The following EXOSC10 variants were observed in gnomAD, a reference collection of about 807,000 sequenced individuals.
EXOSC10 encodes exosome component 10, also known as exosome complex component 10.
EXOSC10 carries 94 observed loss-of-function variants against 126.6 expected under a neutral mutation model. That is an observed-to-expected ratio of 0.74 (90% CI 0.63 to 0.88). The LOEUF (loss-of-function observed/expected upper bound fraction) is 0.88, where lower values mean the gene tolerates loss of function less well. Ranked by LOEUF, EXOSC10 falls within the 40% of genes least tolerant of loss-of-function variation. The pLI is 0.00. For missense variants in EXOSC10, 1,041 were observed against 1,100.5 expected (o/e 0.95, Z 0.77); for synonymous variants, 395 against 400.8 (o/e 0.99, Z 0.17).
intron 1 of EXOSC10, among the ~76,000 whole-genome samples, chr1:11,099,387 C>A (rs538697430): frequency 1.3e-5 from 2 of 152,156 alleles, no homozygotes; most frequent in Non-Finnish European, 2.9e-5. Context: ...CGAGCCCCTG[C>A]GGAGAGCTGG....
In EXOSC10 at chr1:11,081,219, G is replaced by C; in HGVS notation, c.1300C>G (p.Leu434Val). The stretch of plus-strand genomic sequence containing the variant: ...TGGGTGTCATCCCGGGCGTAGCTGA[G>C]CATCTCCTCGGGCAGAGGGCTGGAA... ...WRIRPLPEEM[L>V]SYARDDTHYL... The change falls in exon 11 of 25, where the codon CTC becomes GTC. Residue 434 changes from leucine (L) to valine (V), a missense_variant. Physicochemically the swap from Leu to Val is conservative, Grantham distance 32. Coordinates refer to ENST00000376936, the MANE Select transcript of EXOSC10 (RefSeq NM_001001998.3). 1 of 1,614,194 alleles carries C rather than the reference G, an allele frequency of 6.2e-7. No homozygotes were observed. Among genetic ancestry groups the C allele is most frequent in the Non-Finnish European group, 8.5e-7 (1 of 1,180,032 alleles).
At chr1:11,090,391 TTG>T (rs1488930209) in intron 6 of EXOSC10, among the ~76,000 whole-genome samples, 161 bp downstream of exon 6, 2 of 152,230 alleles carry the variant, frequency 1.3e-5, no homozygotes, top group African/African-American at 4.8e-5. Context: ...TGTAGGCCCT[TTG>T]TGAACACAAA....
chr1:11,075,833 GAC>G (rs1228750056), intron 17 of EXOSC10, among the ~76,000 whole-genome samples: 1 of 100,856 alleles, frequency 9.9e-6, no homozygotes, highest in Non-Finnish European at 1.8e-5. Flanking sequence ...CCACCTGGGT[GAC>G]AGGATGAGAT....
At chr1:11,097,899 A>AT in intron 2 of EXOSC10, 121 bp downstream of exon 2, 1 of 1,012,534 alleles carries the variant, frequency 9.9e-7, no homozygotes, top group Non-Finnish European at 1.3e-6. Flanking sequence ...CAATTTTCAC[A>AT]TTTTATAGCT....
At chr1:11,097,594 C>T (rs543219524) in intron 2 of EXOSC10, among the ~76,000 whole-genome samples, 5 of 146,436 alleles carry the variant, frequency 3.4e-5, no homozygotes, top group South Asian at 2.2e-4. Context: ...GGCGTGTTGA[C>T]GGGCACCTGT....
chr1:11,080,551 T>C lies in EXOSC10; in HGVS notation c.1587-2A>G, dbSNP rs775596393. 2.9e-5 allele frequency: 45 copies of C among 1,577,554 alleles called. No individual in the cohort carries two copies. The highest frequency in any genetic ancestry group is 3.8e-5 in the Non-Finnish European group (44 of 1,167,950). ...ATCATGTGGTTTGGCAGTACATATC[T>C]GGAAAAAAAAAAACACACACACACA... On this transcript the variant is annotated splice_acceptor_variant, in intron 12 of 24. Coordinates refer to ENST00000376936, the MANE Select transcript of EXOSC10 (RefSeq NM_001001998.3). LOFTEE classifies it high-confidence loss of function.
chr1:11,090,678 C>T lies in EXOSC10; in HGVS notation c.644-10G>A. ...CTTTCCTTAGAGAGAGCTGGGGATC[C>T]CAGCAGTGACAAAAACATCATTAGC... On this transcript the variant is annotated splice_polypyrimidine_tract_variant and intron_variant, in intron 5 of 24. Coordinates refer to ENST00000376936, the MANE Select transcript of EXOSC10 (RefSeq NM_001001998.3). 6.4e-7 allele frequency: 1 copy of T among 1,574,800 alleles called. No individual in the cohort carries two copies. Among genetic ancestry groups the T allele is most frequent in the Non-Finnish European group, 8.7e-7 (1 of 1,154,168 alleles).
At chr1:11,092,103 T>C (rs1343541208) in intron 3 of EXOSC10, among the ~76,000 whole-genome samples, 2 of 152,230 alleles carry the variant, frequency 1.3e-5, no homozygotes, top group African/African-American at 2.4e-5. Flanking sequence ...ATGTAATAAA[T>C]ATATAGATGG....
chr1:11,068,191 G>C, intron 23 of EXOSC10, 107 bp from the exon 24 acceptor site: 1 of 832,740 alleles, frequency 1.2e-6, no homozygotes, highest in Non-Finnish European at 2.0e-6. Flanking sequence ...GCACAGGAGT[G>C]ACTTTAGATC....
chr1:11,091,495 T>TA lies in EXOSC10; in HGVS notation c.474dup (p.Lys159Ter). 4.3e-6 allele frequency: 7 copies of TA among 1,613,756 alleles called. No individual in the cohort carries two copies. Among genetic ancestry groups the TA allele is most frequent in the Non-Finnish European group, 4.2e-6 (5 of 1,179,756 alleles). On this transcript the variant is annotated frameshift_variant, in exon 4 of 25. Coordinates refer to ENST00000376936, the MANE Select transcript of EXOSC10 (RefSeq NM_001001998.3). LOFTEE classifies it high-confidence loss of function. ...TAGTTAATCTGAAAAGCCCTCACCT[T>TA]ACGGTTCCAGCTGGACACTACCGTT...
intron 2 of EXOSC10, 106 bp from the exon 3 acceptor site, chr1:11,095,987 T>C (rs1014860559): frequency 1.9e-6 from 2 of 1,072,032 alleles, no homozygotes; most frequent in Non-Finnish European, 2.6e-6. Flanking sequence ...TCCCAACACA[T>C]CTTTTTTTTT....
chr1:11,099,861 G>T lies in EXOSC10; in HGVS notation c.-30C>A, dbSNP rs1183091290. On this transcript the variant is annotated 5_prime_UTR_variant, in exon 1 of 25. Transcript: ENST00000376936. ...TCAGCCTGCACGGCTCGTCTCGCGA[G>T]AGCTTGTCGGCCGAGGAGACGGGAC... 1 of 1,575,434 alleles carries T rather than the reference G, an allele frequency of 6.3e-7. No homozygotes were observed. Among genetic ancestry groups the T allele is most frequent in the Non-Finnish European group, 8.6e-7 (1 of 1,160,304 alleles).
chr1:11,091,466 G>T, intron 4 of EXOSC10, 27 bp downstream of exon 4: 1 of 1,575,590 alleles, frequency 6.3e-7, no homozygotes, highest in Non-Finnish European at 8.7e-7. Context: ...GACATCAAGA[G>T]CTCTAGTTAA....
At chr1:11,099,409 G>C (rs1199361540) in intron 1 of EXOSC10, among the ~76,000 whole-genome samples, 2 of 152,210 alleles carry the variant, frequency 1.3e-5, no homozygotes, top group Admixed American at 6.5e-5. Context: ...CGGGTGGCTA[G>C]GGCGTGGCGA....
rs747856375 is a variant in EXOSC10, at chr1:11,074,213, G to C, written c.2082+18C>G. 1.3e-6 allele frequency: 2 copies of C among 1,599,634 alleles called. No individual in the cohort carries two copies. Among genetic ancestry groups the C allele is most frequent in the African/African-American group, 2.7e-5 (2 of 74,732 alleles). The stretch of plus-strand genomic sequence containing the variant: ...CATCTCTGCATATCCTGTCAGCCCT[G>C]ACAAAACTACTACTCACCATCCTAA... On this transcript the variant is annotated intron_variant, in intron 18 of 24. Transcript: ENST00000376936.
chr1:11,080,378 A>G, intron 13 of EXOSC10, 121 bp downstream of exon 13: 2 of 1,254,420 alleles, frequency 1.6e-6, no homozygotes, highest in Non-Finnish European at 2.3e-6. Context: ...CTACCTTCCA[A>G]GCTTGGAGCA....
At chr1:11,080,372 C>T in intron 13 of EXOSC10, 127 bp downstream of exon 13, 3 of 1,195,102 alleles carry the variant, frequency 2.5e-6, no homozygotes, top group Non-Finnish European at 3.6e-6. Context: ...AACTTGCTAC[C>T]TTCCAAGCTT....
intron 6 of EXOSC10, among the ~76,000 whole-genome samples, chr1:11,088,642 T>C (rs1640629209): frequency 6.6e-6 from 1 of 152,174 alleles, no homozygotes; most frequent in Non-Finnish European, 1.5e-5. Flanking sequence ...CCTCAACTTG[T>C]GGTGTGTTCC....
chr1:11,080,961 C>T (rs371403246), intron 11 of EXOSC10, 49 bp from the exon 12 acceptor site: 85 of 1,578,820 alleles, frequency 5.4e-5, no homozygotes, highest in Middle Eastern at 1.7e-4. Context: ...CAAAATTGTG[C>T]CCTGGGCTCT....
Sources: gnomAD v4.1 joint callset for allele counts (sites outside exome capture counted in the v4.1 genomes callset) on GRCh38, gnomAD v4.1.1 for gene constraint, MANE v1.5 for transcripts, NCBI Gene and HGNC (gene_info 2026-07-23, HGNC 2026-07-21) for gene names.